CIRSR: variants seen among roughly 807,000 people sequenced by gnomAD.
The protein encoded by CIRSR is CBF1 (RBPJ) interacting corepressor 1.
the CIRSR span, among the ~76,000 whole-genome samples, chr2:174,389,339 G>A: frequency 6.6e-6 from 1 of 152,222 alleles, no homozygotes. Flanking sequence ...GGATGAGGTG[G>A]TCTCAGATGG....
the CIRSR span, among the ~76,000 whole-genome samples, chr2:174,368,506 T>TA: frequency 6.6e-6 from 1 of 152,278 alleles, no homozygotes; most frequent in Non-Finnish European, 1.5e-5. Flanking sequence ...AAGAGAAAGT[T>TA]AAAAAATATA....
At chr2:174,379,132 T>C in the CIRSR span, 6 of 890,070 alleles carry the variant, frequency 6.7e-6, no homozygotes, top group East Asian at 1.2e-4. Flanking sequence ...TTAAGCTAAA[T>C]TACATTTTTA....
the CIRSR span, among the ~76,000 whole-genome samples, chr2:174,385,207 C>A: frequency 3.6e-5 from 5 of 137,016 alleles, no homozygotes; most frequent in African/African-American, 1.4e-4. Context: ...AGAGTGAGAC[C>A]TTCCTCTCAA....
the CIRSR span, chr2:174,387,448 C>T: frequency 4.0e-4 from 136 of 336,298 alleles, no homozygotes; most frequent in South Asian, 6.0e-3. Context: ...TAATTTGAGA[C>T]TTGCTCAAAG....
At chr2:174,349,564 TAA>T in the CIRSR span, among the ~76,000 whole-genome samples, 57,527 of 105,598 alleles carry the variant, frequency 0.54, 16,350 homozygotes, top group South Asian at 0.74. Context: ...GACTCTGTCT[TAA>T]AAAAAAAAAA....
the CIRSR span, chr2:174,378,888 G>A: frequency 7.1e-7 from 1 of 1,403,190 alleles, no homozygotes; most frequent in Non-Finnish European, 1.0e-6. Flanking sequence ...TTCCTTGTTT[G>A]TCCTCTCCCG....
At chr2:174,382,435 T>C in the CIRSR span, among the ~76,000 whole-genome samples, 1 of 152,084 alleles carries the variant, frequency 6.6e-6, no homozygotes, top group Non-Finnish European at 1.5e-5. Flanking sequence ...GGTCAGGAGT[T>C]TGAGACCAGC....
At chr2:174,350,704 T>A in the CIRSR span, 1 of 1,609,970 alleles carries the variant, frequency 6.2e-7, no homozygotes, top group Non-Finnish European at 8.5e-7. Context: ...ACTTTAAAAA[T>A]TCAACTTCTG....
At chr2:174,366,088 T>C in the CIRSR span, among the ~76,000 whole-genome samples, 1 of 152,178 alleles carries the variant, frequency 6.6e-6, no homozygotes, top group Non-Finnish European at 1.5e-5. Flanking sequence ...CGTAAATTCA[T>C]ATTTACAATG....
At chr2:174,356,327 G>A in the CIRSR span, among the ~76,000 whole-genome samples, 195 of 152,000 alleles carry the variant, frequency 1.3e-3, 1 homozygote, top group African/African-American at 4.1e-3. Context: ...TTAGCTGGCC[G>A]TGGTGGCGCA....
the CIRSR span, among the ~76,000 whole-genome samples, chr2:174,368,442 T>TA: frequency 6.6e-6 from 1 of 152,284 alleles, no homozygotes; most frequent in African/African-American, 2.4e-5. Context: ...CCCAAATACT[T>TA]AGAGATCTAA....
chr2:174,348,375 C>CT, the CIRSR span: 7 of 1,443,154 alleles, frequency 4.9e-6, no homozygotes, highest in South Asian at 9.3e-5. Flanking sequence ...TAAAATTGAG[C>CT]TTTTTTATTA....
chr2:174,386,328 T>G, the CIRSR span, among the ~76,000 whole-genome samples: 3 of 152,240 alleles, frequency 2.0e-5, no homozygotes, highest in East Asian at 5.8e-4. Context: ...ATTACAGGCA[T>G]GCACTACCAG....
chr2:174,386,843 T>C, the CIRSR span, among the ~76,000 whole-genome samples: 1 of 152,360 alleles, frequency 6.6e-6, no homozygotes, highest in South Asian at 2.1e-4. Context: ...AAAAGCAGTG[T>C]ATGTTTTTAA....
the CIRSR span, among the ~76,000 whole-genome samples, chr2:174,352,228 T>TACAC: frequency 7.3e-6 from 1 of 136,580 alleles, no homozygotes; most frequent in East Asian, 2.4e-4. Flanking sequence ...CACACACACA[T>TACAC]ACACACACAC....
At chr2:174,373,278 T>C in the CIRSR span, among the ~76,000 whole-genome samples, 6 of 140,108 alleles carry the variant, frequency 4.3e-5, no homozygotes, top group Admixed American at 4.7e-4. Context: ...GAAATGGAAA[T>C]TTCCCTAGCA....
chr2:174,383,206 G>C, the CIRSR span, among the ~76,000 whole-genome samples: 1 of 152,142 alleles, frequency 6.6e-6, no homozygotes, highest in Non-Finnish European at 1.5e-5. Context: ...AATCTATAGA[G>C]ACAGCAAGTA....
chr2:174,354,327 CTTATA>C, the CIRSR span, among the ~76,000 whole-genome samples: 1 of 136,828 alleles, frequency 7.3e-6, no homozygotes, highest in African/African-American at 2.8e-5. Flanking sequence ...ATTCAACTTT[CTTATA>C]TAAGAAATTG....
At chr2:174,348,336 CTTGAA>C in the CIRSR span, 1 of 1,153,182 alleles carries the variant, frequency 8.7e-7, no homozygotes. Context: ...TAGTTTTGTA[CTTGAA>C]TTGACAGTCT....
Sources: allele counts gnomAD v4.1 joint callset (sites outside exome capture counted in the v4.1 genomes callset), GRCh38; gene constraint gnomAD v4.1.1; transcripts MANE v1.5; gene names NCBI Gene and HGNC (gene_info 2026-07-23, HGNC 2026-07-21).